Variants in TAX1BP1 observed in about 807,000 individuals in gnomAD.
The protein encoded by TAX1BP1 is Tax1 binding protein 1.
In TAX1BP1, 62 loss-of-function variants were observed where a neutral mutation model predicts 97.7. The ratio of observed to expected loss-of-function variants is 0.63; its 90% confidence interval spans 0.52 to 0.78. The LOEUF is 0.78. TAX1BP1 is among the 30% of genes least tolerant of loss of function. The probability of loss-of-function intolerance (pLI) is 0.00; values close to 1 mark genes in which losing one functional copy is unlikely to be tolerated. For synonymous variants in TAX1BP1, 340 were observed against 304.2 expected (o/e 1.12, Z -1.23); for missense variants, 867 against 916.1 (o/e 0.95, Z 0.69).
At chr7:27,776,541 G>GT (rs900979095) in intron 5 of TAX1BP1, among the ~76,000 whole-genome samples, 1 of 151,674 alleles carries the variant, frequency 6.6e-6, no homozygotes, top group Non-Finnish European at 1.5e-5. Context: ...TATTTAATGT[G>GT]TTTTTTTCCT....
At chr7:27,766,889 A>G (rs1788667950) in intron 4 of TAX1BP1, among the ~76,000 whole-genome samples, 1 of 152,150 alleles carries the variant, frequency 6.6e-6, no homozygotes, top group African/African-American at 2.4e-5. Flanking sequence ...TTCCTGTTGT[A>G]CTTCTGATGA....
chr7:27,793,979 G>A (rs1304811470), intron 10 of TAX1BP1, among the ~76,000 whole-genome samples: 1 of 152,202 alleles, frequency 6.6e-6, no homozygotes, highest in Non-Finnish European at 1.5e-5. Flanking sequence ...GAAAAAATAT[G>A]ATACTTTAAG....
At chr7:27,816,768 A>G (rs1192681643) in intron 14 of TAX1BP1, 122 bp from the exon 15 acceptor site, 10 of 1,268,292 alleles carry the variant, frequency 7.9e-6, no homozygotes, top group Non-Finnish European at 1.1e-5. Context: ...GGTTAAAAAT[A>G]AAAACATCTA....
intron 15 of TAX1BP1, among the ~76,000 whole-genome samples, chr7:27,826,541 C>T (rs770231044): frequency 6.6e-6 from 1 of 152,106 alleles, no homozygotes; most frequent in Non-Finnish European, 1.5e-5. Context: ...GTGCCGGCTG[C>T]GCTTGGGGAT....
Position 27,747,410 on chromosome 7 carries a change from A to C in TAX1BP1, c.-7-1108A>C, listed in dbSNP as rs576873470. ...GCCAGTGAGCGTTCATGAATCTCTA[A>C]GAGATTTTCAACAGTGTGTATTTTA... On this transcript the variant is annotated intron_variant, in intron 1 of 16. Coordinates refer to ENST00000396319, the MANE Select transcript of TAX1BP1 (RefSeq NM_006024.7). Among the ~76,000 whole-genome samples the C allele has an allele frequency of 6.1e-3, 930 of 152,322 alleles. 6 individuals carry two copies. The highest frequency in any genetic ancestry group is 0.018 in the African/African-American group (745 of 41,558).
chr7:27,824,261 A>G (rs1791084389), intron 15 of TAX1BP1, among the ~76,000 whole-genome samples: 3 of 152,160 alleles, frequency 2.0e-5, no homozygotes, highest in African/African-American at 7.2e-5. Flanking sequence ...CCAACAGGTT[A>G]TAACCCCCTT....
chr7:27,802,079 C>T (rs1004849251), intron 13 of TAX1BP1, among the ~76,000 whole-genome samples: 1 of 152,140 alleles, frequency 6.6e-6, no homozygotes, highest in African/African-American at 2.4e-5. Flanking sequence ...GCGTAGTCTG[C>T]GAACTGTGAG....
At chr7:27,787,376 A>T (rs747640870) in intron 7 of TAX1BP1, 42 bp from the exon 8 acceptor site, 1 of 1,509,134 alleles carries the variant, frequency 6.6e-7, no homozygotes, top group Admixed American at 2.1e-5. Context: ...AACTTAGGTC[A>T]TGGAGTTAGA....
At chr7:27,796,307 G>C in intron 12 of TAX1BP1, 88 bp downstream of exon 12, 1 of 1,144,036 alleles carries the variant, frequency 8.7e-7, no homozygotes, top group East Asian at 2.5e-5. Flanking sequence ...TGGTATCTTT[G>C]AGTTTCTTTT....
chr7:27,828,658 TGA>T lies in TAX1BP1; in HGVS notation c.2201_2202del (p.Glu734ValfsTer6). On this transcript the variant is annotated frameshift_variant, in exon 17 of 17. Coordinates refer to ENST00000396319, the MANE Select transcript of TAX1BP1 (RefSeq NM_006024.7). LOFTEE classifies it high-confidence loss of function. The stretch of plus-strand genomic sequence containing the variant: ...ATGTTCACAAGAAGTGTCCCCTCTG[TGA>T]GTTAATGTTTCCTCCTAACTATGAT... ...FDVHKKCPLC[E>X]LMFPPNYDQS... The T allele has an allele frequency of 6.2e-7, 1 of 1,614,034 alleles. No homozygotes were observed. Among genetic ancestry groups the T allele is most frequent in the Non-Finnish European group, 8.5e-7 (1 of 1,179,948 alleles).
chr7:27,771,719 T>C (rs776608749), intron 5 of TAX1BP1, among the ~76,000 whole-genome samples: 3 of 152,036 alleles, frequency 2.0e-5, no homozygotes, highest in Non-Finnish European at 4.4e-5. Flanking sequence ...TAAATCTTGA[T>C]GACAGTCACG....
chr7:27,786,584 GTCCGT>G (rs1378774962), intron 7 of TAX1BP1, among the ~76,000 whole-genome samples: 1 of 152,112 alleles, frequency 6.6e-6, no homozygotes, highest in Non-Finnish European at 1.5e-5. Flanking sequence ...TCTGAGTTAA[GTCCGT>G]TTCTTGTTAA....
Position 27,793,101 on chromosome 7 carries a change from A to G in TAX1BP1, c.1299A>G (p.Arg433=). The change falls in exon 10 of 17, where the codon AGA becomes AGG. Residue 433 remains arginine, a synonymous_variant. Transcript: ENST00000396319. ...KTDTLEHELR[R]EVEDLKLRLQ... is the part of the protein sequence containing the mutation. ...ATACACTGGAACACGAACTAAGAAG[A>G]GAAGTTGAAGATCTGAAACTCCGTC... The G allele has an allele frequency of 6.2e-7, 1 of 1,602,560 alleles. No homozygotes were observed. Among genetic ancestry groups the G allele is most frequent in the Non-Finnish European group, 8.5e-7 (1 of 1,177,528 alleles).
intron 1 of TAX1BP1, among the ~76,000 whole-genome samples, chr7:27,741,063 A>G (rs1047825661): frequency 6.6e-6 from 1 of 152,250 alleles, no homozygotes; most frequent in African/African-American, 2.4e-5. Flanking sequence ...AAGTTTTGTT[A>G]GAAAACACTG....
chr7:27,782,032 A>G (rs1178500860), intron 5 of TAX1BP1, among the ~76,000 whole-genome samples: 1 of 152,138 alleles, frequency 6.6e-6, no homozygotes, highest in African/African-American at 2.4e-5. Flanking sequence ...TACTAAATGT[A>G]TAAAATATTT....
At chr7:27,807,808 C>T (rs1790398165) in intron 13 of TAX1BP1, among the ~76,000 whole-genome samples, 1 of 152,046 alleles carries the variant, frequency 6.6e-6, no homozygotes, top group African/African-American at 2.4e-5. Flanking sequence ...TCTGTAAGAG[C>T]TATCTTTTCT....
chr7:27,758,672 G>T (rs35477369), intron 3 of TAX1BP1, among the ~76,000 whole-genome samples: 2,117 of 152,214 alleles, frequency 0.014, 20 homozygotes, highest in Non-Finnish European at 0.021. Context: ...GGTGAACACT[G>T]AGGATGTTAT....
At chr7:27,805,127 C>T (rs987406397) in intron 13 of TAX1BP1, among the ~76,000 whole-genome samples, 8 of 152,032 alleles carry the variant, frequency 5.3e-5, no homozygotes, top group African/African-American at 1.4e-4. Context: ...TATTATTTTT[C>T]GTTTCCACCA....
At chr7:27,746,370 G>A (rs1420048434) in intron 1 of TAX1BP1, among the ~76,000 whole-genome samples, 2 of 139,452 alleles carry the variant, frequency 1.4e-5, no homozygotes, top group Non-Finnish European at 3.1e-5. Context: ...GTAACCAGTA[G>A]TGAGTTTTTT....
Sources: gnomAD v4.1 joint callset for allele counts (sites outside exome capture counted in the v4.1 genomes callset) on GRCh38, gnomAD v4.1.1 for gene constraint, MANE v1.5 for transcripts, NCBI Gene and HGNC (gene_info 2026-07-23, HGNC 2026-07-21) for gene names.